The following MYRIP variants were observed in gnomAD, a reference collection of about 807,000 sequenced individuals.
MYRIP encodes the protein myosin VIIA and Rab interacting protein.
A neutral mutation model predicts 98.0 loss-of-function variants in MYRIP; 49 were observed. The ratio of observed to expected loss-of-function variants is 0.50; its 90% CI spans 0.40 to 0.63. The LOEUF (loss-of-function observed/expected upper bound fraction) is 0.63, where lower values mean the gene tolerates loss of function less well. MYRIP is among the 30% of genes least tolerant of loss of function. The probability of loss-of-function intolerance (pLI) is 0.00; values close to 1 mark genes in which losing one functional copy is unlikely to be tolerated. For synonymous variants in MYRIP, 404 were observed against 409.5 expected (o/e 0.99, Z 0.16); for missense variants, 1,004 against 1,058.2 (o/e 0.95, Z 0.71).
At chr3:40,195,331 T>C (rs967170596) in intron 10 of MYRIP, among the ~76,000 whole-genome samples, 1 of 152,252 alleles carries the variant, frequency 6.6e-6, no homozygotes, top group African/African-American at 2.4e-5. Flanking sequence ...TATTTTGTTC[T>C]GTCACCCATG....
At chr3:40,151,835 AT>A (rs1014164682) in intron 4 of MYRIP, among the ~76,000 whole-genome samples, 2 of 151,814 alleles carry the variant, frequency 1.3e-5, no homozygotes, top group South Asian at 4.2e-4. Flanking sequence ...CTGGTGGCAG[AT>A]TTTTTTTTCA....
chr3:40,167,723 T>C (rs372108811), intron 7 of MYRIP, among the ~76,000 whole-genome samples: 34 of 152,224 alleles, frequency 2.2e-4, no homozygotes, highest in African/African-American at 8.2e-4. Context: ...CCTAGCCTGC[T>C]GCAAATTTGG....
At chr3:39,907,698 G>A (rs1240669645) in intron 2 of MYRIP, among the ~76,000 whole-genome samples, 1 of 152,178 alleles carries the variant, frequency 6.6e-6, no homozygotes, top group Non-Finnish European at 1.5e-5. Flanking sequence ...TAGAGTTTTT[G>A]AGAGCTAAAA....
intron 4 of MYRIP, among the ~76,000 whole-genome samples, chr3:40,155,275 AATG>A (rs1950204799): frequency 6.6e-6 from 1 of 151,782 alleles, no homozygotes. Flanking sequence ...GTTTACTGAG[AATG>A]ATGATTTCCA....
intron 11 of MYRIP, among the ~76,000 whole-genome samples, chr3:40,221,821 C>T (rs34275111): frequency 0.058 from 8,846 of 152,130 alleles, 319 homozygotes; most frequent in African/African-American, 0.097. Flanking sequence ...GGAGAAGCAC[C>T]CAGGGGTATA....
chr3:39,997,279 A>G (rs1299033527), intron 2 of MYRIP, among the ~76,000 whole-genome samples: 3 of 152,158 alleles, frequency 2.0e-5, no homozygotes, highest in Middle Eastern at 3.2e-3. Context: ...AAATTGATAG[A>G]CCCCTAGCAA....
At chr3:40,164,293 C>T (rs1170580320) in intron 5 of MYRIP, among the ~76,000 whole-genome samples, 1 of 152,216 alleles carries the variant, frequency 6.6e-6, no homozygotes, top group Non-Finnish European at 1.5e-5. Flanking sequence ...TCTGTATCAG[C>T]AGTGTTCTCC....
At chr3:39,878,287 T>C (rs943919778) in intron 1 of MYRIP, among the ~76,000 whole-genome samples, 38 of 152,208 alleles carry the variant, frequency 2.5e-4, no homozygotes, top group Non-Finnish European at 5.4e-4. Flanking sequence ...TCCCTGACCC[T>C]TTGTGCTTCC....
chr3:40,080,381 T>C (rs550824446), intron 3 of MYRIP, among the ~76,000 whole-genome samples: 1 of 152,266 alleles, frequency 6.6e-6, no homozygotes, highest in South Asian at 2.1e-4. Flanking sequence ...AATCTGTTGC[T>C]CTTCTTGGTC....
At chr3:40,248,384 T>C (rs1285679244) in intron 13 of MYRIP, 1 of 152,244 alleles carries the variant, frequency 6.6e-6, no homozygotes, top group Non-Finnish European at 1.5e-5. Flanking sequence ...CTTGTGGACA[T>C]GGAGCTCTTG....
chr3:39,895,223 G>T (rs528078051), intron 1 of MYRIP, among the ~76,000 whole-genome samples: 1 of 149,346 alleles, frequency 6.7e-6, no homozygotes, highest in African/African-American at 2.5e-5. Context: ...GTCTCACTCC[G>T]TCGCCCAGGC....
chr3:39,840,356 T>C (rs1252413223), intron 1 of MYRIP, among the ~76,000 whole-genome samples: 1 of 152,230 alleles, frequency 6.6e-6, no homozygotes, highest in Admixed American at 6.5e-5. Flanking sequence ...ATTTTGAGCC[T>C]GTGTGTGTCT....
intron 2 of MYRIP, among the ~76,000 whole-genome samples, chr3:39,936,102 G>A (rs1297491394): frequency 6.6e-6 from 1 of 151,038 alleles, no homozygotes; most frequent in African/African-American, 2.5e-5. Context: ...TTCCTGTTTG[G>A]ATATTCATTA....
intron 2 of MYRIP, among the ~76,000 whole-genome samples, chr3:39,994,814 C>T (rs1006543733): frequency 2.0e-5 from 3 of 152,190 alleles, no homozygotes; most frequent in South Asian, 2.1e-4. Context: ...ACACCTCACA[C>T]GACTGGGTAC....
At chr3:39,958,033 T>A (rs1230805249) in intron 2 of MYRIP, among the ~76,000 whole-genome samples, 1 of 152,070 alleles carries the variant, frequency 6.6e-6, no homozygotes, top group Non-Finnish European at 1.5e-5. Flanking sequence ...TAAAAGAGGA[T>A]ACAAACAAAT....
chr3:39,855,007 C>G (rs1050199250), intron 1 of MYRIP, among the ~76,000 whole-genome samples: 6 of 152,178 alleles, frequency 3.9e-5, no homozygotes, highest in African/African-American at 1.2e-4. Context: ...CTTTGGGTCT[C>G]CCAGCCATGG....
chr3:39,965,370 A>C (rs1945415834), intron 2 of MYRIP, among the ~76,000 whole-genome samples: 1 of 152,274 alleles, frequency 6.6e-6, no homozygotes, highest in South Asian at 2.1e-4. Context: ...TTCTCAATTT[A>C]AACTCTACAT....
chr3:40,137,781 ATATG>A (rs918889410), intron 3 of MYRIP, among the ~76,000 whole-genome samples: 3 of 152,140 alleles, frequency 2.0e-5, no homozygotes, highest in African/African-American at 7.2e-5. Flanking sequence ...TGCTCAGTAT[ATATG>A]AGATGAATAA....
chr3:40,152,829 T>C (rs1950148070), intron 4 of MYRIP, among the ~76,000 whole-genome samples: 1 of 152,002 alleles, frequency 6.6e-6, no homozygotes, highest in African/African-American at 2.4e-5. Context: ...TAAAAGCATT[T>C]TGTGGGGCCA....
Sources: allele counts gnomAD v4.1 joint callset (sites outside exome capture counted in the v4.1 genomes callset), GRCh38; gene constraint gnomAD v4.1.1; transcripts MANE v1.5; gene names NCBI Gene and HGNC (gene_info 2026-07-23, HGNC 2026-07-21).